Variants in IMPG2 observed in about 807,000 individuals in gnomAD.
IMPG2 encodes interphotoreceptor matrix proteoglycan 2.
Under a neutral mutation model 129.2 loss-of-function variants are expected in IMPG2, and 91 were observed. The ratio of observed to expected loss-of-function variants is 0.70; its 90% confidence interval spans 0.59 to 0.84. IMPG2 has a LOEUF of 0.84. IMPG2 is among the 40% of genes least tolerant of loss of function. IMPG2 has a pLI of 0.00. For missense variants in IMPG2, 1,430 were observed against 1,461.7 expected (o/e 0.98, Z 0.35); for synonymous variants, 510 against 517.7 (o/e 0.99, Z 0.20).
chr3:101,260,533 C>T (rs112350485), intron 9 of IMPG2, among the ~76,000 whole-genome samples: 32 of 152,186 alleles, frequency 2.1e-4, no homozygotes, highest in African/African-American at 7.2e-4. Context: ...CCATAGTCAC[C>T]CTTGCTCTTT....
intron 2 of IMPG2, among the ~76,000 whole-genome samples, chr3:101,306,421 T>C (rs1224257653): frequency 6.6e-6 from 1 of 152,222 alleles, no homozygotes; most frequent in Non-Finnish European, 1.5e-5. Context: ...GAACTACCTG[T>C]ATCCTTATTA....
At chr3:101,309,847 G>T (rs930237780) in intron 2 of IMPG2, among the ~76,000 whole-genome samples, 1 of 152,118 alleles carries the variant, frequency 6.6e-6, no homozygotes. Flanking sequence ...CCATATAATG[G>T]AATCAAAAGG....
rs1459648176 is a variant in IMPG2 at position 101,242,704 on chromosome 3, A to G, written c.3006T>C (p.Ser1002=). ...ATATCATACCTGATTCCACATCAAGAGAGTATTTATCAATAGCCAAGTTCA... is the reference window on the plus strand; with the variant it reads ...ATATCATACCTGATTCCACATCAAGGGAGTATTTATCAATAGCCAAGTTCA... ...NTMNLAIDKY[S]LDVESGDEAN... The change falls in exon 14 of 19, where the codon TCT becomes TCC. Residue 1002 remains serine, a synonymous_variant. Coordinates refer to ENST00000193391, the MANE Select transcript of IMPG2 (RefSeq NM_016247.4). The G allele has an allele frequency of 6.2e-6, 10 of 1,611,906 alleles. No homozygotes were observed. Among genetic ancestry groups the G allele is most frequent in the Admixed American group, 1.7e-5 (1 of 60,020 alleles).
chr3:101,226,366 T>C lies in IMPG2; in HGVS notation c.*603A>G, dbSNP rs1237670777. 1.3e-5 allele frequency: 2 copies of C among 149,604 alleles called. No individual in the cohort carries two copies. Among genetic ancestry groups the C allele is most frequent in the Admixed American group, 6.7e-5 (1 of 15,030 alleles). 9.3% of individuals were successfully genotyped at this position (149,604 alleles called of 1,614,324 possible). On this transcript the variant is annotated 3_prime_UTR_variant, in exon 19 of 19. Coordinates refer to ENST00000193391, the MANE Select transcript of IMPG2 (RefSeq NM_016247.4). Reference sequence around the variant, plus strand: ...GGTCTTGATTAATATGCTCAGGAAATGCAAGACACTGATAGAAGCATAAAA... The same window carrying C: ...GGTCTTGATTAATATGCTCAGGAAACGCAAGACACTGATAGAAGCATAAAA...
intron 9 of IMPG2, among the ~76,000 whole-genome samples, chr3:101,267,038 TGGACTGGA>T (rs1706727892): frequency 1.3e-5 from 2 of 152,178 alleles, no homozygotes; most frequent in Non-Finnish European, 2.9e-5. Flanking sequence ...GCAACACGCA[TGGACTGGA>T]GGACATTTTG....
chr3:101,236,745 C>T (rs1706350059), intron 14 of IMPG2, among the ~76,000 whole-genome samples: 1 of 152,166 alleles, frequency 6.6e-6, no homozygotes, highest in African/African-American at 2.4e-5. Context: ...CACTAGGGCC[C>T]TCAGTTTCAA....
intron 14 of IMPG2, among the ~76,000 whole-genome samples, chr3:101,239,411 G>T (rs1049348397): frequency 6.6e-6 from 1 of 152,150 alleles, no homozygotes; most frequent in Non-Finnish European, 1.5e-5. Flanking sequence ...GTGGAATGGC[G>T]ATCATTAAAA....
chr3:101,288,687 C>G (rs1184084570), intron 4 of IMPG2, among the ~76,000 whole-genome samples: 2 of 152,100 alleles, frequency 1.3e-5, no homozygotes, highest in Admixed American at 1.3e-4. Flanking sequence ...ACAATAGACA[C>G]TGTGGACTAC....
In IMPG2 at chr3:101,245,793, G is replaced by C. The variant is rs1706469367; in HGVS notation, c.1543+9C>G. 1 of 1,612,676 alleles carries C rather than the reference G, an allele frequency of 6.2e-7. No homozygotes were observed. Among genetic ancestry groups the C allele is most frequent in the South Asian group, 1.1e-5 (1 of 91,052 alleles). ...ATAAGAAGTACGAAAAGCAATTAAAGTTTCTCACCATCTTCTACCAAGTGA... is the reference window on the plus strand; with the variant it reads ...ATAAGAAGTACGAAAAGCAATTAAACTTTCTCACCATCTTCTACCAAGTGA... On this transcript the variant is annotated intron_variant, in intron 12 of 18. Coordinates refer to ENST00000193391, the MANE Select transcript of IMPG2 (RefSeq NM_016247.4).
At position 101,260,689 on chromosome 3, in the gene IMPG2, T is replaced by G. The variant is rs541034644; in HGVS notation, c.909-2916A>C. Among the ~76,000 whole-genome samples, 3 of 152,244 alleles carry G rather than the reference T, an allele frequency of 2.0e-5. No individual in the cohort carries two copies. The South Asian group carries it at 6.2e-4, about 32-fold the overall frequency. The stretch of plus-strand genomic sequence containing the variant: ...TTCCACATACACATGTACACACACA[T>G]ACAGATACCTTCTTCACCTGGCTAT... On this transcript the variant is annotated intron_variant, in intron 9 of 18. Coordinates refer to ENST00000193391, the MANE Select transcript of IMPG2 (RefSeq NM_016247.4).
chr3:101,227,422 C>T (rs1480369563), intron 18 of IMPG2, among the ~76,000 whole-genome samples: 2 of 152,168 alleles, frequency 1.3e-5, no homozygotes, highest in Non-Finnish European at 2.9e-5. Context: ...AGACAGTGCA[C>T]CAGAAGAAAC....
At chr3:101,318,528 T>A (rs1291002445) in intron 2 of IMPG2, among the ~76,000 whole-genome samples, 1 of 152,152 alleles carries the variant, frequency 6.6e-6, no homozygotes, top group Non-Finnish European at 1.5e-5. Context: ...ATTGTGTTTT[T>A]AAAACTTTGA....
At chr3:101,295,737 A>G (rs1707073011) in intron 3 of IMPG2, among the ~76,000 whole-genome samples, 1 of 152,070 alleles carries the variant, frequency 6.6e-6, no homozygotes, top group South Asian at 2.1e-4. Flanking sequence ...TATTTCCTTG[A>G]ACAGTGAGTG....
At chr3:101,308,216 G>C (rs1486060553) in intron 2 of IMPG2, among the ~76,000 whole-genome samples, 1 of 152,144 alleles carries the variant, frequency 6.6e-6, no homozygotes, top group African/African-American at 2.4e-5. Context: ...ACCATTCTGG[G>C]GTCTGGAGGA....
At chr3:101,252,677 T>C (rs1466824817) in intron 11 of IMPG2, among the ~76,000 whole-genome samples, 1 of 152,178 alleles carries the variant, frequency 6.6e-6, no homozygotes. Flanking sequence ...TTCTAACCTA[T>C]TTTGTCTAAT....
intron 2 of IMPG2, among the ~76,000 whole-genome samples, chr3:101,305,653 T>C (rs925964784): frequency 2.6e-4 from 40 of 152,228 alleles, no homozygotes; most frequent in African/African-American, 7.7e-4. Context: ...CTAAGAAATA[T>C]AGCCTATTAA....
chr3:101,310,863 C>T (rs943604269), intron 2 of IMPG2, among the ~76,000 whole-genome samples: 4 of 152,138 alleles, frequency 2.6e-5, no homozygotes, highest in African/African-American at 9.7e-5. Context: ...AAGCTGTCTC[C>T]TATAAATTAT....
chr3:101,286,640 C>T (rs1320893026), intron 4 of IMPG2, among the ~76,000 whole-genome samples: 1 of 152,196 alleles, frequency 6.6e-6, no homozygotes, highest in African/African-American at 2.4e-5. Context: ...ATATGCCTCG[C>T]ATTACCAGTC....
At position 101,244,016 on chromosome 3, in the gene IMPG2, G is replaced by A. The variant is rs1281321079; in HGVS notation, c.2315C>T (p.Thr772Ile). The A allele has an allele frequency of 3.1e-6, 5 of 1,614,174 alleles. No individual in the cohort carries two copies. Among genetic ancestry groups the A allele is most frequent in the Non-Finnish European group, 4.2e-6 (5 of 1,180,032 alleles). The change falls in exon 13 of 19, where the codon ACT (threonine) becomes ATT (isoleucine). Residue 772 changes from threonine (T) to isoleucine (I), a missense_variant. Coordinates refer to ENST00000193391, the MANE Select transcript of IMPG2 (RefSeq NM_016247.4). ...EVSMVKPDMQ[T>I]LWTILPESER... is the part of the protein sequence containing the mutation. ...TGATTCTGGCAATATAGTCCACAAA[G>A]TTTGCATATCTGGCTTTACCATTGA...
Sources: allele counts gnomAD v4.1 joint callset (sites outside exome capture counted in the v4.1 genomes callset), GRCh38; gene constraint gnomAD v4.1.1; transcripts MANE v1.5; gene names NCBI Gene and HGNC (gene_info 2026-07-23, HGNC 2026-07-21).